TRHDE: variants seen among roughly 807,000 people sequenced by gnomAD.
TRHDE encodes thyrotropin-releasing hormone-degrading ectoenzyme.
A neutral mutation model predicts 125.7 loss-of-function variants in TRHDE; 72 were observed. That is an observed-to-expected ratio of 0.57 (90% CI 0.47 to 0.70). The LOEUF is 0.70. TRHDE is among the 30% of genes least tolerant of loss of function. The pLI is 0.00. For synonymous variants in TRHDE, 509 were observed against 509.1 expected (o/e 1.00, Z 0.00); for missense variants, 1,110 against 1,327.1 (o/e 0.84, Z 2.54).
Position 72,272,931 on chromosome 12 carries a change from G to T in TRHDE, c.288G>T (p.Leu96Phe). ...VLAFAVSLVA[L>F]LAVTMLAVLL... ...CCTTCGCTGTGTCCCTCGTGGCATT[G>T]CTCGCGGTCACAATGCTCGCTGTGC... is the stretch of plus-strand genomic sequence containing the variant. Residue 96 changes from leucine to phenylalanine, a missense_variant, in exon 1 of 19, where the codon TTG (leucine) becomes TTT (phenylalanine). This residue lies in a region of TRHDE where 248 missense variants were observed against 240.8 expected (regional missense o/e 1.03). Coordinates refer to ENST00000261180, the MANE Select transcript of TRHDE (RefSeq NM_013381.3). This position sits in a 1 kb window ranked among gnomAD's most constrained non-coding sequence, Gnocchi z 6.7. 1 of 1,577,930 alleles carries T rather than the reference G, an allele frequency of 6.3e-7. No individual in the cohort carries two copies.
chr12:72,533,565 T>G (rs1868675368), intron 6 of TRHDE, among the ~76,000 whole-genome samples: 1 of 152,068 alleles, frequency 6.6e-6, no homozygotes, highest in Non-Finnish European at 1.5e-5. Context: ...TTTCTGTAGC[T>G]ATGTGCCCAT....
intron 2 of TRHDE, among the ~76,000 whole-genome samples, chr12:72,363,041 G>A (rs1283223260): frequency 1.7e-4 from 26 of 151,854 alleles, no homozygotes; most frequent in African/African-American, 4.8e-4. Flanking sequence ...TTGACTTGGC[G>A]ATGCAGGCTC....
At chr12:72,337,696 G>T (rs899853210) in intron 2 of TRHDE, among the ~76,000 whole-genome samples, 2 of 151,906 alleles carry the variant, frequency 1.3e-5, no homozygotes, top group African/African-American at 4.8e-5. Flanking sequence ...TTCCCAAACT[G>T]CTTGAGTCAG....
At chr12:72,423,015 G>A (rs1874026056) in intron 3 of TRHDE, among the ~76,000 whole-genome samples, 1 of 152,138 alleles carries the variant, frequency 6.6e-6, no homozygotes, top group Non-Finnish European at 1.5e-5. Flanking sequence ...AGCAGAAAAT[G>A]TACTGAGATC....
intron 6 of TRHDE, among the ~76,000 whole-genome samples, chr12:72,505,992 A>G (rs1878341372): frequency 6.6e-6 from 1 of 152,136 alleles, no homozygotes; most frequent in East Asian, 1.9e-4. Flanking sequence ...AAAAAAGATG[A>G]TGCCTTTCTT....
intron 2 of TRHDE, among the ~76,000 whole-genome samples, chr12:72,316,590 C>G (rs1343550243): frequency 2.0e-5 from 3 of 152,114 alleles, no homozygotes; most frequent in Non-Finnish European, 4.4e-5. Flanking sequence ...GCCTTTTACC[C>G]CATAAATTAG....
chr12:72,126,205 T>C (rs759255782), intron 2 of TRHDE, among the ~76,000 whole-genome samples: 1 of 152,052 alleles, frequency 6.6e-6, no homozygotes, highest in Non-Finnish European at 1.5e-5. Context: ...CTGAAAGAAA[T>C]CATAAATGAC....
chr12:72,489,976 A>G (rs1877587557), intron 5 of TRHDE, among the ~76,000 whole-genome samples: 1 of 151,934 alleles, frequency 6.6e-6, no homozygotes, highest in Non-Finnish European at 1.5e-5. Context: ...AGGCCACAAA[A>G]GAAAACATAA....
intron 2 of TRHDE, among the ~76,000 whole-genome samples, chr12:72,307,311 T>C (rs543170339): frequency 9.3e-5 from 14 of 150,552 alleles, no homozygotes; most frequent in Non-Finnish European, 1.9e-4. Flanking sequence ...ATTACAGGCA[T>C]GCGCCACCAT....
chr12:72,129,057 TAC>T (rs1875791568), intron 2 of TRHDE, among the ~76,000 whole-genome samples: 1 of 152,122 alleles, frequency 6.6e-6, no homozygotes, highest in Non-Finnish European at 1.5e-5. Flanking sequence ...GTCACATGTG[TAC>T]AGAGGAACAA....
intron 2 of TRHDE, among the ~76,000 whole-genome samples, chr12:72,208,410 G>A (rs1877712129): frequency 6.6e-6 from 1 of 152,128 alleles, no homozygotes; most frequent in Non-Finnish European, 1.5e-5. Flanking sequence ...CATGATATAA[G>A]AGACAGGGAA....
At chr12:72,520,230 C>G (rs957330753) in intron 6 of TRHDE, among the ~76,000 whole-genome samples, 10 of 152,320 alleles carry the variant, frequency 6.6e-5, no homozygotes, top group African/African-American at 2.2e-4. Context: ...GCGGGCGCCC[C>G]TCCCCCAGTC....
At chr12:72,157,461 G>A (rs764354341) in intron 2 of TRHDE, among the ~76,000 whole-genome samples, 2 of 152,196 alleles carry the variant, frequency 1.3e-5, no homozygotes, top group Non-Finnish European at 2.9e-5. Context: ...AGCAAGAGAT[G>A]ATGGTGGCTT....
At chr12:72,540,495 T>C (rs1354488700) in intron 6 of TRHDE, among the ~76,000 whole-genome samples, 2 of 151,798 alleles carry the variant, frequency 1.3e-5, no homozygotes, top group East Asian at 3.9e-4. Flanking sequence ...CATCATTACC[T>C]GGGGGGAAAC....
chr12:72,296,000 A>C (rs997315907), intron 2 of TRHDE, among the ~76,000 whole-genome samples: 8 of 152,270 alleles, frequency 5.3e-5, no homozygotes, highest in Non-Finnish European at 7.4e-5. Context: ...ACTTTTTGAA[A>C]ACTTTTTACA....
At chr12:72,336,140 A>G (rs1443683116) in intron 2 of TRHDE, among the ~76,000 whole-genome samples, 2 of 152,110 alleles carry the variant, frequency 1.3e-5, no homozygotes, top group Non-Finnish European at 2.9e-5. Context: ...AGAACTTACC[A>G]TTTATTATCT....
intron 2 of TRHDE, among the ~76,000 whole-genome samples, chr12:72,251,343 T>C (rs543593981): frequency 6.6e-6 from 1 of 152,082 alleles, no homozygotes; most frequent in African/African-American, 2.4e-5. Flanking sequence ...ACTAATCATT[T>C]TCCCACTTCT....
chr12:72,534,599 G>A (rs181499946), intron 6 of TRHDE, among the ~76,000 whole-genome samples: 32 of 151,920 alleles, frequency 2.1e-4, no homozygotes, highest in African/African-American at 7.0e-4. Flanking sequence ...TGATGATGAT[G>A]AAGATAACAA....
chr12:72,373,003 T>C (rs193273924), intron 2 of TRHDE, among the ~76,000 whole-genome samples: 1 of 152,348 alleles, frequency 6.6e-6, no homozygotes, highest in African/African-American at 2.4e-5. Flanking sequence ...TTCACGATAG[T>C]GATTCTTCCT....
Sources: gnomAD v4.1 joint callset for allele counts (sites outside exome capture counted in the v4.1 genomes callset) on GRCh38, gnomAD v4.1.1 for gene constraint, gnomAD v4.1.1 regional missense constraint, Gnocchi (gnomAD v3.1) non-coding constraint, MANE v1.5 for transcripts, NCBI Gene and HGNC (gene_info 2026-07-23, HGNC 2026-07-21) for gene names.